Variants in ZFHX3 observed in about 807,000 individuals in gnomAD.
ZFHX3 encodes zinc finger homeobox 3, also known as zinc finger homeobox protein 3.
Under a neutral mutation model 279.1 loss-of-function variants are expected in ZFHX3, and 42 were observed. The ratio of observed to expected loss-of-function variants is 0.15; its 90% CI spans 0.12 to 0.19. The LOEUF (loss-of-function observed/expected upper bound fraction) is 0.19, where lower values mean the gene tolerates loss of function less well. Ranked by LOEUF, ZFHX3 falls within the 10% of genes least tolerant of loss-of-function variation. ZFHX3 has a pLI of 1.00. For missense variants in ZFHX3, 4,981 were observed against 4,754.0 expected (o/e 1.05, Z -1.40); for synonymous variants, 2,293 against 1,957.8 (o/e 1.17, Z -4.52).
intron 4 of ZFHX3, among the ~76,000 whole-genome samples, chr16:73,258,879 G>A (rs113478067): frequency 0.014 from 2,205 of 152,198 alleles, 51 homozygotes; most frequent in African/African-American, 0.051. Context: ...CTGCCATGCC[G>A]TTCCCGGGTA....
intron 6 of ZFHX3, among the ~76,000 whole-genome samples, chr16:73,142,387 T>A (rs1279466300): frequency 6.6e-6 from 1 of 152,160 alleles, no homozygotes; most frequent in Non-Finnish European, 1.5e-5. Context: ...GCAGACTGCA[T>A]GCCAATACCC....
chr16:72,977,242 C>T (rs1238016104), intron 1 of ZFHX3, among the ~76,000 whole-genome samples: 1 of 152,146 alleles, frequency 6.6e-6, no homozygotes, highest in East Asian at 1.9e-4. Context: ...GGACCAGCGA[C>T]TTTATAAACT....
intron 2 of ZFHX3, among the ~76,000 whole-genome samples, chr16:73,662,375 G>A (rs1238585707): frequency 1.3e-5 from 2 of 151,938 alleles, no homozygotes; most frequent in African/African-American, 4.8e-5. Flanking sequence ...CGGTCACAGC[G>A]TTTCTCCCTT....
chr16:73,147,654 C>T (rs8050108), intron 5 of ZFHX3, among the ~76,000 whole-genome samples: 52,606 of 138,694 alleles, frequency 0.38, 9,752 homozygotes, highest in Middle Eastern at 0.49. Context: ...ATCGCGCCAC[C>T]GCACTCCAGC....
At chr16:73,054,377 CCTA>C (rs1301738731) in intron 1 of ZFHX3, among the ~76,000 whole-genome samples, 1 of 151,592 alleles carries the variant, frequency 6.6e-6, no homozygotes, top group Non-Finnish European at 1.5e-5. Flanking sequence ...CACCCGCCCC[CCTA>C]CTTTCTGACG....
At chr16:72,877,826 A>G (rs1411024993) in intron 4 of ZFHX3, among the ~76,000 whole-genome samples, 2 of 152,202 alleles carry the variant, frequency 1.3e-5, no homozygotes, top group Non-Finnish European at 2.9e-5. Flanking sequence ...TGCTGGAGAC[A>G]TGGCGCCTCT....
intron 2 of ZFHX3, among the ~76,000 whole-genome samples, chr16:73,538,055 T>C (rs1216606457): frequency 2.6e-5 from 4 of 152,212 alleles, no homozygotes; most frequent in African/African-American, 7.2e-5. Context: ...CTGAGTAAAC[T>C]GTGCAAATAA....
chr16:73,408,450 A>G (rs2017406470), intron 3 of ZFHX3, among the ~76,000 whole-genome samples: 1 of 152,094 alleles, frequency 6.6e-6, no homozygotes, highest in South Asian at 2.1e-4. Context: ...CTGGTTCCTC[A>G]TTGACACGTC....
intron 4 of ZFHX3, among the ~76,000 whole-genome samples, chr16:73,286,433 T>G (rs527991430): frequency 6.6e-6 from 1 of 152,368 alleles, no homozygotes; most frequent in African/African-American, 2.4e-5. Flanking sequence ...CCTCAAGCTG[T>G]GACCTTAAGT....
At chr16:72,822,034 CT>C (rs1466650857) in intron 5 of ZFHX3, 1 of 152,170 alleles carries the variant, frequency 6.6e-6, no homozygotes, top group Non-Finnish European at 1.5e-5. Flanking sequence ...TTAAATTTGT[CT>C]TTTCTCTATA....
chr16:73,727,584 A>G (rs2142244869), intron 1 of ZFHX3, among the ~76,000 whole-genome samples: 1 of 152,314 alleles, frequency 6.6e-6, no homozygotes, highest in Non-Finnish European at 1.5e-5. Flanking sequence ...TTCTAATCAG[A>G]GTTGCAGCAA....
chr16:72,997,162 A>G (rs947519037), intron 1 of ZFHX3, among the ~76,000 whole-genome samples: 6 of 152,184 alleles, frequency 3.9e-5, no homozygotes, highest in African/African-American at 1.4e-4. Flanking sequence ...CTTCACAAAC[A>G]GGTTCTGTGG....
At chr16:73,788,436 G>C (rs1959725957) in intron 1 of ZFHX3, among the ~76,000 whole-genome samples, 1 of 152,178 alleles carries the variant, frequency 6.6e-6, no homozygotes, top group South Asian at 2.1e-4. Context: ...GATCGTGTCA[G>C]GGTTGGGGGT....
intron 1 of ZFHX3, among the ~76,000 whole-genome samples, chr16:73,032,751 T>C (rs1459334110): frequency 6.6e-6 from 1 of 150,876 alleles, no homozygotes; most frequent in Non-Finnish European, 1.5e-5. Flanking sequence ...TTCCTCCTCC[T>C]CCCCCCAGCA....
chr16:73,848,759 C>T (rs1040272597), intron 1 of ZFHX3, among the ~76,000 whole-genome samples: 7 of 152,186 alleles, frequency 4.6e-5, no homozygotes, highest in Non-Finnish European at 1.0e-4. Context: ...GAACTTAGTA[C>T]ATCGCTATGA....
At chr16:73,542,043 G>A (rs1391280378) in intron 2 of ZFHX3, among the ~76,000 whole-genome samples, 2 of 151,896 alleles carry the variant, frequency 1.3e-5, no homozygotes, top group East Asian at 3.9e-4. Context: ...CTCGTGATCT[G>A]CCCACCTCGG....
At chr16:73,137,033 A>C (rs1356925017) in intron 6 of ZFHX3, among the ~76,000 whole-genome samples, 1 of 152,074 alleles carries the variant, frequency 6.6e-6, no homozygotes, top group Admixed American at 6.6e-5. Flanking sequence ...TGTTATGGAA[A>C]CTCACATGTA....
intron 6 of ZFHX3, among the ~76,000 whole-genome samples, chr16:73,143,008 G>T (rs1163609530): frequency 2.0e-5 from 3 of 152,132 alleles, no homozygotes; most frequent in African/African-American, 7.2e-5. Flanking sequence ...GTTTTAGGTG[G>T]TGCTTAAGTA....
At chr16:73,093,284 C>T (rs768627773) in exon 8 of ZFHX3, 2 of 473,512 alleles carry the variant, frequency 4.2e-6, no homozygotes, top group Non-Finnish European at 8.4e-6. Flanking sequence ...ACCCTTTGCA[C>T]ATCGTGTTTG....
Sources: gnomAD v4.1 joint callset for allele counts (sites outside exome capture counted in the v4.1 genomes callset) on GRCh38, gnomAD v4.1.1 for gene constraint, MANE v1.5 for transcripts, NCBI Gene and HGNC (gene_info 2026-07-23, HGNC 2026-07-21) for gene names.